Variants in RAPGEF5 observed in about 807,000 individuals in gnomAD.
RAPGEF5 encodes the protein Rap guanine nucleotide exchange factor 5.
A neutral mutation model predicts 125.2 loss-of-function variants in RAPGEF5; 65 were observed. The observed-to-expected ratio is 0.52, with a 90% CI of 0.43 to 0.64. The LOEUF (loss-of-function observed/expected upper bound fraction) is 0.64, where lower values mean the gene tolerates loss of function less well. Ranked by LOEUF, RAPGEF5 falls within the 30% of genes least tolerant of loss-of-function variation. The pLI is 0.00. For synonymous variants in RAPGEF5, 391 were observed against 385.9 expected (o/e 1.01, Z -0.16); for missense variants, 958 against 1,048.1 (o/e 0.91, Z 1.19).
At chr7:22,139,914 G>T in intron 21 of RAPGEF5, 111 bp downstream of exon 21, 2 of 916,076 alleles carry the variant, frequency 2.2e-6, no homozygotes, top group South Asian at 1.6e-5. Flanking sequence ...CTACCACCTT[G>T]ACATATGACT....
intron 1 of RAPGEF5, among the ~76,000 whole-genome samples, chr7:22,320,898 T>C (rs1783701961): frequency 6.6e-6 from 1 of 152,184 alleles, no homozygotes; most frequent in African/African-American, 2.4e-5. Flanking sequence ...ATCAATTTTC[T>C]CTGCAATCTT....
intron 1 of RAPGEF5, among the ~76,000 whole-genome samples, chr7:22,326,171 TGAAAG>T (rs1783810972): frequency 6.6e-6 from 1 of 152,210 alleles, no homozygotes; most frequent in Non-Finnish European, 1.5e-5. Flanking sequence ...GGTCTTCTGA[TGAAAG>T]GAAGAATTCA....
chr7:22,283,804 C>T (rs1335499148), intron 6 of RAPGEF5, among the ~76,000 whole-genome samples: 2 of 152,226 alleles, frequency 1.3e-5, no homozygotes, highest in Non-Finnish European at 2.9e-5. Flanking sequence ...GCACAATCCT[C>T]TTTCCCTATT....
At chr7:22,186,675 C>T (rs1210799874) in intron 11 of RAPGEF5, among the ~76,000 whole-genome samples, 3 of 152,122 alleles carry the variant, frequency 2.0e-5, no homozygotes, top group Non-Finnish European at 4.4e-5. Context: ...AATAAAGGAA[C>T]TAAATTTTTC....
intron 7 of RAPGEF5, among the ~76,000 whole-genome samples, chr7:22,263,720 A>G (rs971783014): frequency 6.6e-6 from 1 of 151,526 alleles, no homozygotes; most frequent in Non-Finnish European, 1.5e-5. Flanking sequence ...ACAGAGCGAG[A>G]CTCCATCTCA....
intron 8 of RAPGEF5, among the ~76,000 whole-genome samples, chr7:22,229,896 T>C (rs1786016980): frequency 6.6e-6 from 1 of 152,208 alleles, no homozygotes; most frequent in African/African-American, 2.4e-5. Flanking sequence ...ATCTACTGGT[T>C]TCATGATTTC....
At chr7:22,129,565 TTTCA>T (rs373575094) in intron 24 of RAPGEF5, among the ~76,000 whole-genome samples, 1 of 152,336 alleles carries the variant, frequency 6.6e-6, no homozygotes, top group African/African-American at 2.4e-5. Flanking sequence ...GCCTGCAGCC[TTTCA>T]TTAAGTGCCC....
Position 22,122,172 on chromosome 7 carries a change from G to A in RAPGEF5, c.*234C>T. Reference sequence around the variant, plus strand: ...AACCAGCCTTCTCCATCTCAAGAATGCTTCTGACTCTCCTTCTGCCTTCTT... The same window carrying A: ...AACCAGCCTTCTCCATCTCAAGAATACTTCTGACTCTCCTTCTGCCTTCTT... On this transcript the variant is annotated 3_prime_UTR_variant, in exon 26 of 26. Transcript: ENST00000665637. The A allele has an allele frequency of 2.1e-6, 1 of 472,966 alleles. No individual in the cohort carries two copies. Among genetic ancestry groups the A allele is most frequent in the South Asian group, 3.1e-5 (1 of 31,840 alleles). 29.3% of individuals were successfully genotyped at this position (472,966 alleles called of 1,614,324 possible). A position where few individuals can be genotyped will look rare whatever the true frequency, so the allele number is the denominator to read the frequency against.
At chr7:22,150,598 C>T (rs1783597220) in intron 17 of RAPGEF5, 94 bp from the exon 18 acceptor site, 13 of 1,434,458 alleles carry the variant, frequency 9.1e-6, no homozygotes, top group Middle Eastern at 4.0e-4. Flanking sequence ...GTGAAACTTG[C>T]CAAAGAAAAA....
chr7:22,221,324 A>C (rs911402390), intron 8 of RAPGEF5, among the ~76,000 whole-genome samples: 2 of 152,212 alleles, frequency 1.3e-5, no homozygotes, highest in Non-Finnish European at 2.9e-5. Flanking sequence ...ACTAGACAAA[A>C]CTGAAACCAT....
At chr7:22,315,666 CT>C (rs1251548942) in intron 2 of RAPGEF5, among the ~76,000 whole-genome samples, 190 bp from the exon 3 acceptor site, 2 of 151,270 alleles carry the variant, frequency 1.3e-5, no homozygotes, top group Non-Finnish European at 2.9e-5. Context: ...AACTATCTTA[CT>C]TTATTTTAGC....
At chr7:22,356,016 A>T in intron 1 of RAPGEF5, 1 of 985,446 alleles carries the variant, frequency 1.0e-6, no homozygotes, top group Non-Finnish European at 1.2e-6. Context: ...GGGAAATCTG[A>T]GTAAGTCAGC....
At chr7:22,255,801 A>C (rs1786745586) in intron 7 of RAPGEF5, among the ~76,000 whole-genome samples, 1 of 152,172 alleles carries the variant, frequency 6.6e-6, no homozygotes, top group Non-Finnish European at 1.5e-5. Flanking sequence ...ATTCCTTTCA[A>C]TTTCCAGGAA....
At chr7:22,301,800 T>A (rs1276115590) in intron 5 of RAPGEF5, among the ~76,000 whole-genome samples, 2 of 152,176 alleles carry the variant, frequency 1.3e-5, no homozygotes, top group African/African-American at 2.4e-5. Context: ...CAGATTTTTT[T>A]ATGAATTTAG....
intron 6 of RAPGEF5, among the ~76,000 whole-genome samples, chr7:22,280,516 A>T (rs1481599031): frequency 6.6e-6 from 1 of 152,200 alleles, no homozygotes; most frequent in Non-Finnish European, 1.5e-5. Flanking sequence ...GAAGAAATGG[A>T]GACTGCTCTG....
In RAPGEF5 at chr7:22,144,604, C is replaced by T. The variant is rs184337445; in HGVS notation, c.2186+440G>A. 3.1e-4 allele frequency among the ~76,000 whole-genome samples: 47 copies of T among 152,300 alleles called. 1 individual carries two copies. Among genetic ancestry groups the T allele is most frequent in the African/African-American group, 1.0e-3 (43 of 41,558 alleles). On this transcript the variant is annotated intron_variant, in intron 20 of 25. Coordinates refer to ENST00000665637, the MANE Select transcript of RAPGEF5 (RefSeq NM_012294.5). ...GCTCAGGGGGTGGGGCCAGCCAGTG[C>T]AGGGCCTTCTAATGAACGAGTTCGC...
intron 6 of RAPGEF5, among the ~76,000 whole-genome samples, chr7:22,282,408 C>T (rs1162261869): frequency 1.3e-5 from 2 of 152,142 alleles, no homozygotes; most frequent in African/African-American, 4.8e-5. Flanking sequence ...TAATATAATT[C>T]CATGGGCATC....
At chr7:22,287,189 A>G (rs1019306541) in intron 6 of RAPGEF5, among the ~76,000 whole-genome samples, 9 of 152,230 alleles carry the variant, frequency 5.9e-5, no homozygotes, top group African/African-American at 2.2e-4. Flanking sequence ...TGACACTTGG[A>G]AAGATGGCTC....
chr7:22,205,677 T>G (rs1481380662), intron 9 of RAPGEF5, among the ~76,000 whole-genome samples: 2 of 152,222 alleles, frequency 1.3e-5, no homozygotes, highest in East Asian at 3.8e-4. Flanking sequence ...GTTACTTTCT[T>G]GGTATTTCTA....
Sources: gnomAD v4.1 joint callset for allele counts (sites outside exome capture counted in the v4.1 genomes callset) on GRCh38, gnomAD v4.1.1 for gene constraint, MANE v1.5 for transcripts, NCBI Gene and HGNC (gene_info 2026-07-23, HGNC 2026-07-21) for gene names.